The following GCNT1 variants were observed in gnomAD, a reference collection of about 807,000 sequenced individuals.
GCNT1 encodes beta-1,3-galactosyl-O-glycosyl-glycoprotein beta-1,6-N-acetylglucosaminyltransferase.
In GCNT1, 16 loss-of-function variants were observed where a neutral mutation model predicts 26.2. The observed-to-expected ratio is 0.61, with a 90% CI of 0.41 to 0.93. The LOEUF (loss-of-function observed/expected upper bound fraction) is 0.93, where lower values mean the gene tolerates loss of function less well. GCNT1 is among the 40% of genes least tolerant of loss of function. The probability of loss-of-function intolerance (pLI) is 0.00; values close to 1 mark genes in which losing one functional copy is unlikely to be tolerated. For missense variants in GCNT1, 477 were observed against 526.7 expected (o/e 0.91, Z 0.92); for synonymous variants, 183 against 190.8 (o/e 0.96, Z 0.34).
chr9:76,414,316 G>A, the GCNT1 span, among the ~76,000 whole-genome samples: 7 of 152,238 alleles, frequency 4.6e-5, no homozygotes, highest in East Asian at 1.3e-3. Flanking sequence ...CACCTTTAGC[G>A]ATGTGCTGGT....
chr9:76,471,513 G>A (rs1051910231), intron 2 of GCNT1, among the ~76,000 whole-genome samples: 8 of 152,166 alleles, frequency 5.3e-5, no homozygotes, highest in Non-Finnish European at 4.4e-5. Context: ...CTGCTATGCA[G>A]AAGTGTTTTT....
Position 76,488,380 on chromosome 9 carries a change from G to T in GCNT1, c.-289-12536G>T, listed in dbSNP as rs755319625. ...TTCGTATGGTAGGTCTCCTGATCTA[G>T]TTCTCTAAATTACTGTATGTTTTGT... On this transcript the variant is annotated intron_variant, in intron 2 of 3. Coordinates refer to ENST00000376730, the MANE Select transcript of GCNT1 (RefSeq NM_001490.5). Among the ~76,000 whole-genome samples the T allele has an allele frequency of 2.0e-3, 304 of 152,140 alleles. 1 individual carries two copies. The highest frequency in any genetic ancestry group is 3.6e-3 in the Non-Finnish European group (246 of 68,008).
At chr9:76,422,979 G>A (rs941161173) in intron 1 of GCNT1, among the ~76,000 whole-genome samples, 6 of 152,188 alleles carry the variant, frequency 3.9e-5, no homozygotes, top group African/African-American at 1.2e-4. Context: ...TAAGTATTCT[G>A]AGCACATTTA....
At chr9:76,465,130 C>A (rs10781363) in intron 2 of GCNT1, among the ~76,000 whole-genome samples, 90,822 of 151,472 alleles carry the variant, frequency 0.6, 29,045 homozygotes, top group African/African-American at 0.83. Flanking sequence ...CTGCATAGGC[C>A]CTGCTGTGCC....
chr9:76,408,664 CT>C, the GCNT1 span, among the ~76,000 whole-genome samples: 1 of 151,982 alleles, frequency 6.6e-6, no homozygotes, highest in African/African-American at 2.4e-5. Flanking sequence ...TTAGAAACCA[CT>C]TCCTCCGCTT....
chr9:76,472,722 TTCTTTTC>T (rs1447429141), intron 2 of GCNT1, among the ~76,000 whole-genome samples: 4 of 63,536 alleles, frequency 6.3e-5, no homozygotes, highest in Non-Finnish European at 1.8e-4. Flanking sequence ...AATCTTGTCT[TTCTTTTC>T]TTTTCTTTTC....
intron 2 of GCNT1, among the ~76,000 whole-genome samples, chr9:76,477,693 A>G (rs551253665): frequency 2.0e-5 from 3 of 152,340 alleles, no homozygotes; most frequent in South Asian, 2.1e-4. Context: ...CATTAAGCAT[A>G]TTTGCACTGT....
chr9:76,447,777 T>C (rs1356930103), intron 1 of GCNT1, among the ~76,000 whole-genome samples: 1 of 152,234 alleles, frequency 6.6e-6, no homozygotes, highest in Non-Finnish European at 1.5e-5. Flanking sequence ...ATTTTGGTGC[T>C]CAGCTTTAAA....
intron 1 of GCNT1, among the ~76,000 whole-genome samples, chr9:76,435,693 C>G (rs988279904): frequency 3.9e-5 from 6 of 152,120 alleles, no homozygotes; most frequent in Non-Finnish European, 2.9e-5. Flanking sequence ...AAGGTCCCAG[C>G]CTTATTACCT....
At chr9:76,470,604 A>C (rs1382686631) in intron 2 of GCNT1, among the ~76,000 whole-genome samples, 4 of 19,914 alleles carry the variant, frequency 2.0e-4, no homozygotes, top group East Asian at 1.3e-3. Context: ...ACCCTGTCCC[A>C]AAAAAAAAAA....
At chr9:76,423,779 A>G (rs1564219021) in intron 1 of GCNT1, among the ~76,000 whole-genome samples, 1 of 152,210 alleles carries the variant, frequency 6.6e-6, no homozygotes, top group Non-Finnish European at 1.5e-5. Flanking sequence ...CATAGAAGTG[A>G]ATTGATTTAA....
chr9:76,499,857 A>T (rs906487341), intron 2 of GCNT1, among the ~76,000 whole-genome samples: 4 of 151,922 alleles, frequency 2.6e-5, no homozygotes, highest in African/African-American at 7.3e-5. Context: ...TTTTTCAACT[A>T]TTTTTCTACC....
At chr9:76,429,968 CCTCCCAAAGTG>C (rs1823313396) in intron 1 of GCNT1, among the ~76,000 whole-genome samples, 1 of 152,136 alleles carries the variant, frequency 6.6e-6, no homozygotes, top group Admixed American at 6.5e-5. Flanking sequence ...CCCGCCTCGG[CCTCCCAAAGTG>C]CTGGGATTAC....
chr9:76,448,714 A>G (rs1587416780), intron 1 of GCNT1, among the ~76,000 whole-genome samples: 1 of 152,348 alleles, frequency 6.6e-6, no homozygotes, highest in South Asian at 2.1e-4. Context: ...ACATGAATCA[A>G]ACGGTCTGTA....
At chr9:76,399,402 C>T in the GCNT1 span, 1 of 1,463,146 alleles carries the variant, frequency 6.8e-7, no homozygotes, top group African/African-American at 1.4e-5. Flanking sequence ...ACTGCTCCAG[C>T]TCCTGAGTTC....
intron 2 of GCNT1, among the ~76,000 whole-genome samples, chr9:76,492,678 A>G (rs1241361096): frequency 2.0e-5 from 3 of 149,934 alleles, no homozygotes; most frequent in African/African-American, 7.4e-5. Flanking sequence ...GTGGACACAG[A>G]TGAGGGGGCA....
chr9:76,393,992 T>TCCGGAGGCCCCACGCC, the GCNT1 span: 8 of 1,150,726 alleles, frequency 7.0e-6, no homozygotes, highest in Non-Finnish European at 9.8e-6. Context: ...CTGCCCGCGG[T>TCCGGAGGCCCCACGCC]CCGGAGGCCC....
the GCNT1 span, chr9:76,393,896 G>A: frequency 1.8e-6 from 1 of 568,308 alleles, no homozygotes; most frequent in African/African-American, 2.0e-5. Context: ...GGAGCTCGGA[G>A]CCAGAAGCAG....
exon 1 of GCNT1, chr9:76,442,189 G>C (rs561303091): frequency 1.3e-5 from 2 of 152,206 alleles, no homozygotes; most frequent in Non-Finnish European, 2.9e-5. Context: ...AATGAGAGAG[G>C]CTTCGAGAAG....
Sources: gnomAD v4.1 joint callset for allele counts (sites outside exome capture counted in the v4.1 genomes callset) on GRCh38, gnomAD v4.1.1 for gene constraint, MANE v1.5 for transcripts, NCBI Gene and HGNC (gene_info 2026-07-23, HGNC 2026-07-21) for gene names.